COX16: variants seen among roughly 807,000 people sequenced by gnomAD.
COX16 encodes cytochrome c oxidase assembly factor COX16, also known as cytochrome c oxidase assembly protein COX16 homolog, mitochondrial.
COX16 carries 12 observed loss-of-function variants against 15.4 expected under a neutral mutation model. The observed-to-expected ratio is 0.78, with a 90% CI of 0.50 to 1.26. The LOEUF (loss-of-function observed/expected upper bound fraction) is 1.26. Among genes scored for constraint, COX16 ranks in the 50% most tolerant of loss-of-function variants. The pLI, the probability that COX16 is intolerant of heterozygous loss-of-function variation, is 0.00. For synonymous variants in COX16, 46 were observed against 41.1 expected (o/e 1.12, Z -0.46); for missense variants, 124 against 127.6 (o/e 0.97, Z 0.14).
At chr14:70,345,076 C>T (rs76284305) in intron 1 of COX16, among the ~76,000 whole-genome samples, 3,561 of 152,268 alleles carry the variant, frequency 0.023, 125 homozygotes, top group African/African-American at 0.08. Flanking sequence ...TGGTCCACGT[C>T]CCCTGTGAAC....
chr14:70,345,307 C>T (rs751674665), intron 1 of COX16, among the ~76,000 whole-genome samples: 2 of 152,228 alleles, frequency 1.3e-5, no homozygotes, highest in Non-Finnish European at 2.9e-5. Context: ...GCCAGGCACT[C>T]GCTGATCATC....
At position 70,359,658 on chromosome 14, in the gene COX16, G is replaced by C. The variant is rs146408295; in HGVS notation, c.-71C>G. ...AGACTCCCAAATCTCAGCAGCTCAC[G>C]CTCTCACCAAGACGAGTACGTCCTT... On this transcript the variant is annotated 5_prime_UTR_variant, in exon 1 of 4. Coordinates refer to ENST00000389912, the MANE Select transcript of COX16 (RefSeq NM_016468.7). 5.1e-6 allele frequency: 7 copies of C among 1,379,788 alleles called. No individual in the cohort carries two copies. Among genetic ancestry groups the C allele is most frequent in the Non-Finnish European group, 6.2e-6 (6 of 969,330 alleles). The allele number at this position is 1,379,788 out of a possible 1,614,324, so 85.5% of individuals were successfully genotyped here.
intron 2 of COX16, among the ~76,000 whole-genome samples, chr14:70,341,831 C>T (rs935323634): frequency 3.9e-5 from 6 of 152,000 alleles, no homozygotes; most frequent in African/African-American, 1.5e-4. Context: ...GACATAACCC[C>T]ATTATAAGTC....
intron 2 of COX16, among the ~76,000 whole-genome samples, chr14:70,337,462 A>G (rs374250353): frequency 1.1e-3 from 172 of 152,252 alleles, no homozygotes; most frequent in African/African-American, 3.7e-3. Flanking sequence ...GCAGCCCTCA[A>G]TCTATCTGCA....
At chr14:70,353,994 C>T (rs550253997) in intron 1 of COX16, among the ~76,000 whole-genome samples, 163 of 151,674 alleles carry the variant, frequency 1.1e-3, no homozygotes, top group African/African-American at 3.7e-3. Context: ...ATTTCAAAAC[C>T]AAGTATATGT....
intron 2 of COX16, among the ~76,000 whole-genome samples, chr14:70,333,889 TTAG>T (rs1291151546): frequency 5.3e-5 from 8 of 152,184 alleles, no homozygotes; most frequent in African/African-American, 1.9e-4. Flanking sequence ...AGCAGACTTC[TTAG>T]TAGAAACTAT....
chr14:70,346,823 A>G (rs1209747785), intron 1 of COX16, among the ~76,000 whole-genome samples: 3 of 151,762 alleles, frequency 2.0e-5, no homozygotes, highest in South Asian at 2.1e-4. Flanking sequence ...CTCCCTGCAC[A>G]CCTTTTCCTT....
At chr14:70,345,689 A>G (rs1306456560) in intron 1 of COX16, among the ~76,000 whole-genome samples, 2 of 152,150 alleles carry the variant, frequency 1.3e-5, no homozygotes, top group African/African-American at 4.8e-5. Flanking sequence ...AAATGGGAAG[A>G]AATTCCTTAT....
intron 2 of COX16, among the ~76,000 whole-genome samples, chr14:70,330,101 T>C (rs1055107625): frequency 1.2e-4 from 19 of 152,022 alleles, no homozygotes; most frequent in Admixed American, 5.9e-4. Context: ...AAGAACATCA[T>C]AAGAAATAAG....
In COX16 at chr14:70,357,387, A is replaced by C. The variant is rs572674167; in HGVS notation, c.69+2132T>G. Reference sequence around the variant, plus strand: ...TGAGAAGGCCCTAAATTCTCAACTTATGACTAATTTGAAGCTCTGAGCAAG... The same window carrying C: ...TGAGAAGGCCCTAAATTCTCAACTTCTGACTAATTTGAAGCTCTGAGCAAG... On this transcript the variant is annotated intron_variant, in intron 1 of 3. Coordinates refer to ENST00000389912, the MANE Select transcript of COX16 (RefSeq NM_016468.7). Among the ~76,000 whole-genome samples, 204 of 152,256 alleles carry C rather than the reference A, an allele frequency of 1.3e-3. 1 individual carries two copies. Among genetic ancestry groups the C allele is most frequent in the African/African-American group, 4.2e-3 (174 of 41,548 alleles).
rs1886044397 is a variant in COX16, at chr14:70,325,670, AGTCAT to A, written c.*658_*662del. ...ATTATCTTAGTATTTCTCAAAATGT[AGTCAT>A]CTATGGATTTACTGAACAAATTTGC... On this transcript the variant is annotated 3_prime_UTR_variant, in exon 4 of 4. Coordinates refer to ENST00000389912, the MANE Select transcript of COX16 (RefSeq NM_016468.7). 1 of 145,722 alleles carries A rather than the reference AGTCAT, an allele frequency of 6.9e-6. No homozygotes were observed. The highest frequency in any genetic ancestry group is 2.2e-4 in the South Asian group (1 of 4,452). 9.0% of individuals were successfully genotyped at this position (145,722 alleles called of 1,614,324 possible). A position where few individuals can be genotyped will look rare whatever the true frequency, so the allele number is the denominator to read the frequency against.
chr14:70,340,002 T>C (rs1886576612), intron 2 of COX16, among the ~76,000 whole-genome samples: 1 of 152,202 alleles, frequency 6.6e-6, no homozygotes, highest in African/African-American at 2.4e-5. Flanking sequence ...TTTGACTCCA[T>C]TTCCTAAACC....
chr14:70,358,971 C>T (rs1377303783), intron 1 of COX16, among the ~76,000 whole-genome samples: 2 of 152,180 alleles, frequency 1.3e-5, no homozygotes, highest in African/African-American at 2.4e-5. Context: ...GCACCGTACT[C>T]AACACTTTAT....
chr14:70,355,628 G>A (rs1335441202), intron 1 of COX16, among the ~76,000 whole-genome samples: 3 of 152,068 alleles, frequency 2.0e-5, no homozygotes, highest in Non-Finnish European at 4.4e-5. Flanking sequence ...TAAACATGAC[G>A]ACATCCTGCT....
At chr14:70,331,132 C>T (rs187386509) in intron 2 of COX16, among the ~76,000 whole-genome samples, 275 of 152,168 alleles carry the variant, frequency 1.8e-3, no homozygotes, top group East Asian at 5.0e-3. Flanking sequence ...TTCAGCCTCC[C>T]GAGTAGCTGG....
At chr14:70,340,065 G>T (rs1199167206) in intron 2 of COX16, among the ~76,000 whole-genome samples, 4 of 152,104 alleles carry the variant, frequency 2.6e-5, no homozygotes, top group South Asian at 2.1e-4. Flanking sequence ...ATATGGTTTG[G>T]CTGTGTCTGT....
intron 1 of COX16, among the ~76,000 whole-genome samples, chr14:70,357,158 C>CAAAA (rs4048531): frequency 6.0e-4 from 47 of 78,706 alleles, no homozygotes; most frequent in African/African-American, 1.1e-3. Flanking sequence ...AAGCGTTTGT[C>CAAAA]AAAAAAAAAA....
At chr14:70,343,816 CAG>C (rs1886694305) in intron 1 of COX16, among the ~76,000 whole-genome samples, 3 of 152,144 alleles carry the variant, frequency 2.0e-5, no homozygotes, top group Non-Finnish European at 4.4e-5. Context: ...GCTACCTAGA[CAG>C]AGCTGATTTA....
intron 2 of COX16, among the ~76,000 whole-genome samples, chr14:70,342,004 T>A (rs549561987): frequency 1.1e-3 from 167 of 152,328 alleles, no homozygotes; most frequent in African/African-American, 3.8e-3. Context: ...ATACAATTAC[T>A]GATATTAATA....
Sources: allele counts gnomAD v4.1 joint callset (sites outside exome capture counted in the v4.1 genomes callset), GRCh38; gene constraint gnomAD v4.1.1; transcripts MANE v1.5; gene names NCBI Gene and HGNC (gene_info 2026-07-23, HGNC 2026-07-21).